Variants in AFF2 observed in about 807,000 individuals in gnomAD.
AFF2 encodes the protein ALF transcription elongation factor 2, also known as AF4/FMR2 family member 2.
AFF2 carries 14 observed loss-of-function variants against 76.9 expected under a neutral mutation model. The ratio of observed to expected loss-of-function variants is 0.18; its 90% CI spans 0.12 to 0.28. The LOEUF (loss-of-function observed/expected upper bound fraction) is 0.28, where lower values mean the gene tolerates loss of function less well. Among genes scored for constraint, AFF2 ranks in the 10% least tolerant of loss-of-function variants. AFF2 has a pLI of 1.00. For missense variants in AFF2, 868 were observed against 1,001.1 expected (o/e 0.87, Z 1.79); for synonymous variants, 398 against 366.7 (o/e 1.09, Z -0.98).
intron 9 of AFF2, among the ~76,000 whole-genome samples, chrX:148,910,793 T>G (rs1325064647): frequency 9.0e-6 from 1 of 111,557 alleles, no homozygotes; most frequent in Non-Finnish European, 1.9e-5. Flanking sequence ...CAAATGGCAT[T>G]AAAGAGCTCT....
chrX:148,516,060 T>A, intron 1 of AFF2, among the ~76,000 whole-genome samples: 1 of 112,062 alleles, frequency 8.9e-6, no homozygotes, highest in Middle Eastern at 4.6e-3. Flanking sequence ...AGTTCTGCCC[T>A]GGAGACCACA....
chrX:148,654,354 C>G (rs1377840030), intron 2 of AFF2, among the ~76,000 whole-genome samples: 12 of 110,863 alleles, frequency 1.1e-4, no homozygotes, highest in African/African-American at 3.6e-4. Context: ...TTGTGGGATG[C>G]CAAACTGCCA....
At chrX:148,720,593 A>G (rs2055079522) in intron 3 of AFF2, among the ~76,000 whole-genome samples, 1 of 111,334 alleles carries the variant, frequency 9.0e-6, no homozygotes, top group Admixed American at 9.6e-5. Context: ...TTTTTATCTC[A>G]TGTACAAAAT....
At chrX:148,910,135 TAAC>T (rs782044232) in intron 9 of AFF2, among the ~76,000 whole-genome samples, 1 of 112,445 alleles carries the variant, frequency 8.9e-6, no homozygotes, top group South Asian at 3.7e-4. Flanking sequence ...TTTTACACTT[TAAC>T]AACATTAAAC....
At chrX:148,661,679 G>A (rs1050745720) in intron 2 of AFF2, among the ~76,000 whole-genome samples, 3 of 111,798 alleles carry the variant, frequency 2.7e-5, no homozygotes, top group Non-Finnish European at 5.6e-5. Flanking sequence ...ACTGGCTAGG[G>A]AGTATAAAAA....
At chrX:148,703,992 C>T (rs1557262088) in intron 3 of AFF2, among the ~76,000 whole-genome samples, 1 of 107,269 alleles carries the variant, frequency 9.3e-6, no homozygotes, top group African/African-American at 3.4e-5. Flanking sequence ...ACTTCCTGGG[C>T]TCAAATGATC....
At chrX:148,985,478 C>T (rs1332905922) in intron 19 of AFF2, among the ~76,000 whole-genome samples, 2 of 108,097 alleles carry the variant, frequency 1.9e-5, no homozygotes, top group African/African-American at 6.8e-5. Flanking sequence ...CTTCTTTCGA[C>T]ATTTGTGGCA....
At chrX:148,581,619 T>C (rs112255494) in intron 1 of AFF2, among the ~76,000 whole-genome samples, 2 of 91,959 alleles carry the variant, frequency 2.2e-5, no homozygotes, top group South Asian at 5.4e-4. Flanking sequence ...CACACATATA[T>C]ACGTATACGT....
intron 9 of AFF2, among the ~76,000 whole-genome samples, chrX:148,924,730 A>G (rs1386390810): frequency 9.0e-6 from 1 of 111,600 alleles, no homozygotes; most frequent in Non-Finnish European, 1.9e-5. Context: ...CCCAAGTATG[A>G]CACAGAAAAA....
At chrX:148,979,328 G>A (rs2072364708) in intron 18 of AFF2, among the ~76,000 whole-genome samples, 1 of 112,288 alleles carries the variant, frequency 8.9e-6, no homozygotes, top group African/African-American at 3.2e-5. Context: ...TGGCACAGTT[G>A]GGAAAAAGAG....
Position 149,000,577 on chromosome X carries a change from G to A in AFF2, c.*9245G>A, listed in dbSNP as rs1252679621. 12 of 112,693 alleles carry A rather than the reference G, an allele frequency of 1.1e-4. No homozygotes were observed. The highest frequency in any genetic ancestry group is 2.8e-4 in the East Asian group (1 of 3,590). 9.3% of individuals were successfully genotyped at this position (112,693 alleles called of 1,213,427 possible). ...AAAATGATATTGGCTGAGCTGGTGC[G>A]TTGGTTTCTCTCATAGAGGCATTAA... On this transcript the variant is annotated 3_prime_UTR_variant, in exon 21 of 21. Coordinates refer to ENST00000370460, the MANE Select transcript of AFF2 (RefSeq NM_002025.4).
At chrX:148,695,598 G>A (rs1217394529) in intron 3 of AFF2, among the ~76,000 whole-genome samples, 1 of 112,138 alleles carries the variant, frequency 8.9e-6, no homozygotes, top group African/African-American at 3.2e-5. Flanking sequence ...CATTAATGTA[G>A]CTAATAAACA....
At chrX:148,911,314 C>T (rs893091458) in intron 9 of AFF2, among the ~76,000 whole-genome samples, 11 of 111,184 alleles carry the variant, frequency 9.9e-5, no homozygotes, top group African/African-American at 1.3e-4. Context: ...AAATGGCCCC[C>T]GAGGACCAAA....
intron 1 of AFF2, among the ~76,000 whole-genome samples, chrX:148,581,892 C>G (rs895363993): frequency 8.9e-5 from 10 of 112,062 alleles, no homozygotes; most frequent in Non-Finnish European, 1.7e-4. Flanking sequence ...TTTTGCCAAT[C>G]GTTCCAATAA....
intron 7 of AFF2, among the ~76,000 whole-genome samples, chrX:148,849,381 C>T (rs1452007576): frequency 1.7e-4 from 7 of 40,142 alleles, no homozygotes; most frequent in Admixed American, 4.1e-4. Flanking sequence ...CCCCCCCCCC[C>T]CCCCCGCTGA....
chrX:148,684,970 G>A (rs2054586962), intron 3 of AFF2, among the ~76,000 whole-genome samples: 1 of 112,534 alleles, frequency 8.9e-6, no homozygotes, highest in South Asian at 3.6e-4. Context: ...AAAAATAAAT[G>A]TGTGTAATTG....
chrX:148,515,680 G>A (rs188881976), intron 1 of AFF2, among the ~76,000 whole-genome samples: 10 of 112,252 alleles, frequency 8.9e-5, no homozygotes, highest in Admixed American at 8.5e-4. Context: ...TTTCAGTGGT[G>A]TGCAGGCAAA....
rs781901291 is a variant in AFF2, at chrX:148,987,348, G to T, written c.3624-19G>T. On this transcript the variant is annotated intron_variant, in intron 19 of 20. Transcript: ENST00000370460. The stretch of plus-strand genomic sequence containing the variant: ...CTTTCCTACCAGCCTAACAAGGCTT[G>T]TCTCTTTCCATTTCCCAGGAACACT... 7 of 1,195,709 alleles carry T rather than the reference G, an allele frequency of 5.9e-6. No individual in the cohort carries two copies. In the Admixed American group the frequency reaches 1.3e-4, roughly 23 times the overall value.
At chrX:148,800,843 A>G (rs5936436) in intron 3 of AFF2, among the ~76,000 whole-genome samples, 65,707 of 111,336 alleles carry the variant, frequency 0.59, 16,313 homozygotes, top group East Asian at 0.93. Flanking sequence ...TTAAATGTGT[A>G]AAATGCTTGC....
Sources: allele counts gnomAD v4.1 joint callset (sites outside exome capture counted in the v4.1 genomes callset), GRCh38; gene constraint gnomAD v4.1.1; transcripts MANE v1.5; gene names NCBI Gene and HGNC (gene_info 2026-07-23, HGNC 2026-07-21).